Variants in DLG2 observed in about 807,000 individuals in gnomAD.
The protein encoded by DLG2 is disks large homolog 2.
A neutral mutation model predicts 132.5 loss-of-function variants in DLG2; 45 were observed. The observed-to-expected ratio is 0.34, with a 90% CI of 0.27 to 0.44. The LOEUF (loss-of-function observed/expected upper bound fraction) is 0.44. Among genes scored for constraint, DLG2 ranks in the 20% least tolerant of loss-of-function variants. The pLI, the probability that DLG2 is intolerant of heterozygous loss-of-function variation, is 1.00. For synonymous variants in DLG2, 424 were observed against 419.6 expected (o/e 1.01, Z -0.13); for missense variants, 1,045 against 1,196.9 (o/e 0.87, Z 1.87).
intron 3 of DLG2, among the ~76,000 whole-genome samples, chr11:85,397,033 G>A (rs2087458138): frequency 6.6e-6 from 1 of 152,122 alleles, no homozygotes; most frequent in Admixed American, 6.6e-5. Flanking sequence ...AAAGAGAGAG[G>A]TTGGGTTACC....
intron 11 of DLG2, among the ~76,000 whole-genome samples, chr11:83,984,344 C>A (rs574680677): frequency 1.2e-4 from 18 of 152,170 alleles, no homozygotes; most frequent in African/African-American, 4.3e-4. Flanking sequence ...CCTCTCAGAG[C>A]CAGAGCATGT....
chr11:83,557,630 T>C lies in DLG2; in HGVS notation c.1941-15772A>G, dbSNP rs2096542174. On this transcript the variant is annotated intron_variant, in intron 19 of 27. Coordinates refer to ENST00000376104, the MANE Select transcript of DLG2 (RefSeq NM_001142699.3). ...AATGAAACCTGCAAACAGGCTTATG[T>C]TGCTTGTAGGTGTTTCATCTTTGAG... Among the ~76,000 whole-genome samples the C allele has an allele frequency of 4.6e-5, 7 of 152,336 alleles. No individual in the cohort carries two copies. The South Asian group carries it at 1.4e-3, about 32-fold the overall frequency.
At chr11:85,512,983 C>T (rs1598144663) in intron 3 of DLG2, among the ~76,000 whole-genome samples, 1 of 151,988 alleles carries the variant, frequency 6.6e-6, no homozygotes, top group South Asian at 2.1e-4. Flanking sequence ...AAATGTGGTA[C>T]ATATACACCA....
chr11:84,703,189 T>G (rs1264676469), intron 6 of DLG2, among the ~76,000 whole-genome samples: 1 of 151,662 alleles, frequency 6.6e-6, no homozygotes, highest in African/African-American at 2.4e-5. Flanking sequence ...AGTGTTCCTA[T>G]GCTTAGATTA....
chr11:85,229,735 C>T (rs1036800037), intron 4 of DLG2, among the ~76,000 whole-genome samples: 2 of 152,048 alleles, frequency 1.3e-5, no homozygotes, highest in Non-Finnish European at 2.9e-5. Context: ...GACTTGGAAC[C>T]AACCCAAATG....
chr11:85,146,227 C>CCTCCCTCTCT (rs1555384685), intron 5 of DLG2, among the ~76,000 whole-genome samples: 2 of 129,110 alleles, frequency 1.5e-5, no homozygotes, highest in Admixed American at 7.6e-5. Context: ...TCTGTTTCTC[C>CCTCCCTCTCT]CTCTCTCTCT....
intron 18 of DLG2, among the ~76,000 whole-genome samples, chr11:83,767,414 G>A (rs1213949707): frequency 2.0e-5 from 3 of 152,176 alleles, no homozygotes; most frequent in Admixed American, 2.0e-4. Context: ...TTTCAACTGG[G>A]AGAAGGAAGA....
chr11:85,579,406 AAG>A (rs1176414727), intron 3 of DLG2, among the ~76,000 whole-genome samples: 2 of 152,186 alleles, frequency 1.3e-5, no homozygotes, highest in Non-Finnish European at 2.9e-5. Context: ...TTTAAAAAAA[AAG>A]AGAGAGACCT....
intron 20 of DLG2, among the ~76,000 whole-genome samples, chr11:83,540,529 G>C (rs1346289697): frequency 6.6e-6 from 1 of 152,158 alleles, no homozygotes; most frequent in African/African-American, 2.4e-5. Context: ...CTGAGGACCA[G>C]TGAGCCCTCT....
intron 3 of DLG2, among the ~76,000 whole-genome samples, chr11:85,332,363 T>C (rs2081822374): frequency 6.6e-6 from 1 of 152,222 alleles, no homozygotes; most frequent in South Asian, 2.1e-4. Context: ...TCCTGGCTAT[T>C]AGACCTCTGT....
chr11:84,806,029 C>T (rs2075958432), intron 6 of DLG2, among the ~76,000 whole-genome samples: 1 of 151,998 alleles, frequency 6.6e-6, no homozygotes, highest in Non-Finnish European at 1.5e-5. Flanking sequence ...AAATGAAAAA[C>T]ACGATAAATG....
chr11:83,869,789 T>C (rs1008766053), intron 16 of DLG2, among the ~76,000 whole-genome samples: 2 of 152,158 alleles, frequency 1.3e-5, no homozygotes, highest in Non-Finnish European at 2.9e-5. Flanking sequence ...GTGCTACTTG[T>C]AAAGGCTGGC....
intron 6 of DLG2, among the ~76,000 whole-genome samples, chr11:84,767,280 G>T (rs575622354): frequency 6.6e-6 from 1 of 151,960 alleles, no homozygotes; most frequent in African/African-American, 2.4e-5. Flanking sequence ...TTGTTTTAAA[G>T]AAAATAAAAT....
intron 6 of DLG2, among the ~76,000 whole-genome samples, chr11:84,835,596 C>T (rs965051606): frequency 1.3e-5 from 2 of 151,692 alleles, no homozygotes; most frequent in Non-Finnish European, 3.0e-5. Flanking sequence ...TAAATCTTGC[C>T]TATTGAACAA....
chr11:84,098,035 C>CT (rs35298703), intron 10 of DLG2, among the ~76,000 whole-genome samples: 8,785 of 121,816 alleles, frequency 0.072, 682 homozygotes, highest in African/African-American at 0.2. Context: ...CACCATGTGC[C>CT]TTTTTTTTTT....
Position 84,586,670 on chromosome 11 carries a change from T to C in DLG2, c.358-51939A>G, listed in dbSNP as rs181162000. 1.9e-3 allele frequency among the ~76,000 whole-genome samples: 292 copies of C among 152,248 alleles called. 3 individuals are homozygous for C. The highest frequency in any genetic ancestry group is 6.7e-3 in the African/African-American group (278 of 41,576). ...ATTATTTTTTGTTTTTGTCATACAC[T>C]TTTGCTTTATATTTGTTATTGACTT... is the stretch of plus-strand genomic sequence containing the variant. On this transcript the variant is annotated intron_variant, in intron 6 of 27. Coordinates refer to ENST00000376104, the MANE Select transcript of DLG2 (RefSeq NM_001142699.3).
chr11:83,629,076 A>G (rs971023439), intron 19 of DLG2, among the ~76,000 whole-genome samples: 2 of 152,172 alleles, frequency 1.3e-5, no homozygotes, highest in Admixed American at 6.5e-5. Context: ...CAGAGCTTCA[A>G]AAATTACTTA....
At chr11:84,064,581 A>C (rs2096642702) in intron 10 of DLG2, among the ~76,000 whole-genome samples, 1 of 152,180 alleles carries the variant, frequency 6.6e-6, no homozygotes, top group Non-Finnish European at 1.5e-5. Context: ...TGTTATTGAG[A>C]GAATGCATGT....
intron 6 of DLG2, among the ~76,000 whole-genome samples, chr11:85,101,451 G>T (rs1399387774): frequency 6.6e-6 from 1 of 152,076 alleles, no homozygotes; most frequent in Non-Finnish European, 1.5e-5. Flanking sequence ...GCCATTTTTA[G>T]TATTTCTCAG....
Sources: gnomAD v4.1 joint callset for allele counts (sites outside exome capture counted in the v4.1 genomes callset) on GRCh38, gnomAD v4.1.1 for gene constraint, MANE v1.5 for transcripts, NCBI Gene and HGNC (gene_info 2026-07-23, HGNC 2026-07-21) for gene names.